CFI: variants seen among roughly 807,000 people sequenced by gnomAD.
CFI encodes the protein C3B/C4B inactivator.
CFI carries 66 observed loss-of-function variants against 78.8 expected under a neutral mutation model. That is an observed-to-expected ratio of 0.84 (90% CI 0.69 to 1.03). The LOEUF (loss-of-function observed/expected upper bound fraction) is 1.03, where lower values mean the gene tolerates loss of function less well. CFI is among the 50% of genes least tolerant of loss of function. CFI has a pLI of 0.00. For missense variants in CFI, 706 were observed against 704.5 expected, an observed-to-expected ratio of 1.00 and a Z score of -0.02; for synonymous variants, 250 against 232.6, an observed-to-expected ratio of 1.07 and a Z score of -0.68.
intron 1 of CFI, among the ~76,000 whole-genome samples, chr4:109,779,373 C>T (rs1467171591): frequency 1.3e-5 from 2 of 152,052 alleles, no homozygotes; most frequent in Non-Finnish European, 2.9e-5. Context: ...TGAGTGAACT[C>T]CCATTCACAA....
chr4:109,798,886 GGA>G lies in CFI; in HGVS notation c.57+3027_57+3028del, dbSNP rs201429214. On this transcript the variant is annotated intron_variant, in intron 1 of 12. Transcript: ENST00000394634. ...GAGATTTCCTTCAATGCAAGAGGAG[GGA>G]GAGAGAGAGAGAGAAGAAAAAGAAA... Among the ~76,000 whole-genome samples the G allele has an allele frequency of 2.3e-4, 24 of 106,138 alleles. No homozygotes were observed. In the East Asian group the frequency reaches 4.7e-3, roughly 21 times the overall value. The allele number at this position is 106,138 out of a possible 152,430, so 69.6% of individuals were successfully genotyped here.
chr4:109,759,063 A>G (rs1316925313), intron 6 of CFI, among the ~76,000 whole-genome samples: 1 of 152,220 alleles, frequency 6.6e-6, no homozygotes, highest in Admixed American at 6.5e-5. Flanking sequence ...ACTGCACTCT[A>G]GCCTAGGCAA....
the CFI span, among the ~76,000 whole-genome samples, chr4:109,731,686 C>G: frequency 6.6e-6 from 1 of 152,134 alleles, no homozygotes; most frequent in African/African-American, 2.4e-5. Context: ...CTCAGCCCCT[C>G]AACCAGGAGT....
chr4:109,733,919 C>G, the CFI span, among the ~76,000 whole-genome samples: 1 of 152,166 alleles, frequency 6.6e-6, no homozygotes, highest in Non-Finnish European at 1.5e-5. Flanking sequence ...CTTGTAGTCC[C>G]AGCACCTAGG....
intron 7 of CFI, among the ~76,000 whole-genome samples, chr4:109,753,778 ATGT>A: frequency 1.8e-5 from 2 of 113,790 alleles, no homozygotes; most frequent in African/African-American, 7.1e-5. Flanking sequence ...ATATTATCTA[ATGT>A]ATAATTTTAT....
intron 4 of CFI, 96 bp from the exon 5 acceptor site, chr4:109,760,732 GTT>G: frequency 1.3e-6 from 1 of 762,102 alleles, no homozygotes; most frequent in Non-Finnish European, 2.4e-6. Context: ...TTAAGAGAAA[GTT>G]AAACTTCAAA....
At chr4:109,785,464 A>G (rs1385167962) in intron 1 of CFI, among the ~76,000 whole-genome samples, 1 of 151,940 alleles carries the variant, frequency 6.6e-6, no homozygotes, top group East Asian at 1.9e-4. Flanking sequence ...ACATTCACAT[A>G]TATTAGGAGC....
chr4:109,782,278 A>G (rs111366594), intron 1 of CFI, among the ~76,000 whole-genome samples: 2 of 152,182 alleles, frequency 1.3e-5, no homozygotes, highest in African/African-American at 4.8e-5. Flanking sequence ...TGAAAACCCT[A>G]AAGACTCCTC....
intron 1 of CFI, among the ~76,000 whole-genome samples, chr4:109,785,880 C>T (rs980008480): frequency 1.3e-5 from 2 of 151,944 alleles, no homozygotes; most frequent in African/African-American, 4.8e-5. Flanking sequence ...GCCTTGCTTC[C>T]TCTTCATCTT....
intron 7 of CFI, among the ~76,000 whole-genome samples, chr4:109,755,414 G>C (rs936975362): frequency 2.0e-5 from 3 of 152,126 alleles, no homozygotes; most frequent in Non-Finnish European, 4.4e-5. Context: ...TATGGTTTGA[G>C]TGTGTTCCCC....
rs770644886 is a variant in CFI, at chr4:109,742,575, G to A, written c.1450C>T (p.Leu484Phe). The A allele has an allele frequency of 5.0e-6, 8 of 1,610,910 alleles. No individual in the cohort carries two copies. Among genetic ancestry groups the A allele is most frequent in the Non-Finnish European group, 6.8e-6 (8 of 1,177,154 alleles). ...REKDNERVFS[L>F]QWGEVKLISN... The stretch of plus-strand genomic sequence containing the variant: ...ATTAGTTTAACTTCACCCCACTGAA[G>A]TGAAAAGACTCTTTCGTTATCTAAA... Residue 484 changes from leucine to phenylalanine, a missense_variant, in exon 12 of 13, where the codon CTT (leucine) becomes TTT (phenylalanine). Transcript: ENST00000394634.
At chr4:109,792,587 C>G (rs186965811) in intron 1 of CFI, among the ~76,000 whole-genome samples, 3 of 151,780 alleles carry the variant, frequency 2.0e-5, no homozygotes, top group Non-Finnish European at 4.4e-5. Context: ...ACAAACCCAC[C>G]CCCCCCAAAA....
intron 1 of CFI, among the ~76,000 whole-genome samples, chr4:109,793,154 A>G (rs1291252440): frequency 2.0e-5 from 3 of 152,040 alleles, no homozygotes; most frequent in Middle Eastern, 3.4e-3. Context: ...TTTCGGTACT[A>G]TGGAGATTAC....
intron 11 of CFI, 27 bp from the exon 12 acceptor site, chr4:109,742,622 T>C (rs890803065): frequency 7.8e-6 from 11 of 1,405,326 alleles, no homozygotes; most frequent in Middle Eastern, 1.8e-4. Flanking sequence ...AGCAAACATT[T>C]AGAAGTCACA....
rs543085274 is a variant in CFI, at chr4:109,746,470, G to A, written c.1181C>T (p.Thr394Ile). The change falls in exon 11 of 13, where the codon ACA becomes ATA. Residue 394 changes from threonine to isoleucine, a missense_variant. Transcript: ENST00000394634. The stretch of plus-strand genomic sequence containing the variant: ...GGGGTGTATCCAGTCTACTACTGTT[G>A]TCCATATTTGGTAACGATGAGTTTT... ...ASKTHRYQIWTTVVDWIHPDL... is the reference protein window; with the variant it reads ...ASKTHRYQIWITVVDWIHPDL... The A allele has an allele frequency of 1.2e-6, 2 of 1,612,472 alleles. No homozygotes were observed. The highest frequency in any genetic ancestry group is 3.3e-5 in the Admixed American group (2 of 59,832).
chr4:109,773,268 C>G (rs1728812013), intron 1 of CFI, among the ~76,000 whole-genome samples: 1 of 152,202 alleles, frequency 6.6e-6, no homozygotes, highest in African/African-American at 2.4e-5. Context: ...TGGCTTACGC[C>G]TGTAATCCCA....
At chr4:109,801,862 AC>A in intron 1 of CFI, 52 bp downstream of exon 1, 1 of 1,215,828 alleles carries the variant, frequency 8.2e-7, no homozygotes, top group Non-Finnish European at 1.2e-6. Context: ...CTATGTTTTT[AC>A]AACCTTTAAA....
intron 1 of CFI, among the ~76,000 whole-genome samples, chr4:109,784,863 A>C (rs1028157105): frequency 6.0e-5 from 9 of 150,038 alleles, no homozygotes; most frequent in African/African-American, 2.2e-4. Flanking sequence ...TGTGACCTGC[A>C]CGTATACATC....
chr4:109,763,847 T>C (rs1224112131), intron 3 of CFI, among the ~76,000 whole-genome samples: 1 of 151,412 alleles, frequency 6.6e-6, no homozygotes, highest in Non-Finnish European at 1.5e-5. Context: ...AAAAGCAAAC[T>C]AACGTATTAA....
Sources: allele counts gnomAD v4.1 joint callset (sites outside exome capture counted in the v4.1 genomes callset), GRCh38; gene constraint gnomAD v4.1.1; transcripts MANE v1.5; gene names NCBI Gene and HGNC (gene_info 2026-07-23, HGNC 2026-07-21).